PRKCA: variants seen among roughly 807,000 people sequenced by gnomAD.
PRKCA encodes protein kinase C alpha, also known as protein kinase C alpha type.
A neutral mutation model predicts 87.0 loss-of-function variants in PRKCA; 27 were observed. The observed-to-expected ratio is 0.31, with a 90% CI of 0.23 to 0.43. The LOEUF is 0.43. Among genes scored for constraint, PRKCA ranks in the 20% least tolerant of loss-of-function variants. The probability of loss-of-function intolerance (pLI) is 1.00; values close to 1 mark genes in which losing one functional copy is unlikely to be tolerated. For synonymous variants in PRKCA, 329 were observed against 311.1 expected, an observed-to-expected ratio of 1.06 and a Z score of -0.61; for missense variants, 518 against 852.3, an observed-to-expected ratio of 0.61 and a Z score of 4.88.
chr17:66,792,216 A>C lies in PRKCA; in HGVS notation c.1854+3237A>C, dbSNP rs148372702. On this transcript the variant is annotated intron_variant, in intron 16 of 16. Coordinates refer to ENST00000413366, the MANE Select transcript of PRKCA (RefSeq NM_002737.3). The surrounding 1 kb of genome is among the most constrained non-coding windows in gnomAD (Gnocchi z 4.5). ...GGCTTAAGGACAGGTAGCTGTTCTCACGTGCGGTGATGCTCCTGGCTCCCA... is the reference window on the plus strand; with the variant it reads ...GGCTTAAGGACAGGTAGCTGTTCTCCCGTGCGGTGATGCTCCTGGCTCCCA... Among the ~76,000 whole-genome samples the C allele has an allele frequency of 0.012, 1,771 of 152,262 alleles. 19 individuals are homozygous for C. Among genetic ancestry groups the C allele is most frequent in the Middle Eastern group, 0.034 (10 of 294 alleles).
At chr17:66,541,600 G>A (rs1177758224) in intron 3 of PRKCA, among the ~76,000 whole-genome samples, 2 of 151,532 alleles carry the variant, frequency 1.3e-5, no homozygotes, top group Non-Finnish European at 2.9e-5. Flanking sequence ...GGAATTGCAC[G>A]TGCAAAGCAG....
At chr17:66,688,482 T>C (rs1188147499) in intron 7 of PRKCA, 46 bp downstream of exon 7, 1 of 1,608,414 alleles carries the variant, frequency 6.2e-7, no homozygotes, top group African/African-American at 1.3e-5. Context: ...CATCAGACCA[T>C]TTAGACAGTT....
intron 3 of PRKCA, among the ~76,000 whole-genome samples, chr17:66,525,086 T>A (rs1967300071): frequency 6.6e-6 from 1 of 152,068 alleles, no homozygotes; most frequent in African/African-American, 2.4e-5. Flanking sequence ...ATCATGGGAG[T>A]TCTGAGCTGA....
chr17:66,612,049 T>C (rs1482735369), intron 3 of PRKCA, among the ~76,000 whole-genome samples: 5 of 149,654 alleles, frequency 3.3e-5, no homozygotes, highest in Non-Finnish European at 4.4e-5. Context: ...ACACTTGTTT[T>C]ATTTTACACA....
chr17:66,773,802 G>A (rs1033297362), intron 13 of PRKCA, among the ~76,000 whole-genome samples, 185 bp from the exon 14 acceptor site: 6 of 152,062 alleles, frequency 3.9e-5, no homozygotes, highest in South Asian at 2.1e-4. Flanking sequence ...AGTGAATCAC[G>A]GGGTGATAGT....
At chr17:66,447,344 G>A (rs1488410848) in intron 2 of PRKCA, among the ~76,000 whole-genome samples, 1 of 152,090 alleles carries the variant, frequency 6.6e-6, no homozygotes, top group African/African-American at 2.4e-5. Flanking sequence ...TTGGCTGGTC[G>A]GGGATGCCAG....
intron 2 of PRKCA, chr17:66,398,306 C>CA (rs1416544932): frequency 6.6e-6 from 1 of 152,208 alleles, no homozygotes; most frequent in Non-Finnish European, 1.5e-5. Flanking sequence ...CACATGCAGA[C>CA]ACGATTTATA....
chr17:66,489,366 T>TGC (rs1916123830), intron 2 of PRKCA, among the ~76,000 whole-genome samples: 1 of 81,370 alleles, frequency 1.2e-5, no homozygotes, highest in African/African-American at 4.3e-5. Flanking sequence ...TATATATATA[T>TGC]ATATATATAT....
At chr17:66,660,029 G>A (rs532938624) in intron 5 of PRKCA, among the ~76,000 whole-genome samples, 2 of 152,296 alleles carry the variant, frequency 1.3e-5, no homozygotes, top group Non-Finnish European at 2.9e-5. Context: ...AGCTGGGGAG[G>A]CGGTGTGCCA....
chr17:66,643,291 A>G (rs975581909), intron 4 of PRKCA, among the ~76,000 whole-genome samples: 29 of 152,162 alleles, frequency 1.9e-4, no homozygotes, highest in African/African-American at 7.0e-4. Flanking sequence ...ATGCCGTTAG[A>G]CACGGTTCCT....
chr17:66,550,345 A>G (rs577183994), intron 3 of PRKCA, among the ~76,000 whole-genome samples: 1 of 152,132 alleles, frequency 6.6e-6, no homozygotes, highest in Non-Finnish European at 1.5e-5. Context: ...TGAAAGTTCC[A>G]CGGCAGGTTA....
At chr17:66,587,895 G>A (rs75244060) in intron 3 of PRKCA, among the ~76,000 whole-genome samples, 20,049 of 83,626 alleles carry the variant, frequency 0.24, 3,843 homozygotes, top group East Asian at 0.33. Flanking sequence ...GTGTGTGTGT[G>A]TATATATATA....
chr17:66,699,615 T>C lies in PRKCA; in HGVS notation c.918+10568T>C, dbSNP rs191012640. 5.3e-5 allele frequency among the ~76,000 whole-genome samples: 8 copies of C among 152,356 alleles called. No homozygotes were observed. In the East Asian group the frequency reaches 1.5e-3, roughly 29 times the overall value. On this transcript the variant is annotated intron_variant, in intron 8 of 16. Transcript: ENST00000413366. Reference sequence around the variant, plus strand: ...ACCAAACACTTTTTAAGAGACAAGGTCTCGCTCTGTTGCCCAGGCTAGAGT... The same window carrying C: ...ACCAAACACTTTTTAAGAGACAAGGCCTCGCTCTGTTGCCCAGGCTAGAGT...
chr17:66,314,918 T>C (rs1471507328), intron 2 of PRKCA, among the ~76,000 whole-genome samples: 1 of 149,586 alleles, frequency 6.7e-6, no homozygotes, highest in East Asian at 1.9e-4. Context: ...TGTATGTGTA[T>C]ATGTGTGTAT....
intron 3 of PRKCA, 138 bp downstream of exon 3, chr17:66,496,421 A>C (rs1328607627): frequency 2.9e-6 from 2 of 692,580 alleles, no homozygotes; most frequent in Non-Finnish European, 4.9e-6. Context: ...GGCTTGTAGT[A>C]ATGAGCAGAT....
Position 66,442,968 on chromosome 17 carries a change from G to A in PRKCA, c.206-53233G>A, listed in dbSNP as rs374332096. On this transcript the variant is annotated intron_variant, in intron 2 of 16. Coordinates refer to ENST00000413366, the MANE Select transcript of PRKCA (RefSeq NM_002737.3). The stretch of plus-strand genomic sequence containing the variant: ...ACGCTGCCATTGTTGACCTGAACAC[G>A]AGGTGACTCTGGCAGGAGCCCTGGC... Among the ~76,000 whole-genome samples, 6 of 152,298 alleles carry A rather than the reference G, an allele frequency of 3.9e-5. No individual in the cohort carries two copies. In the East Asian group the frequency reaches 5.8e-4, roughly 15 times the overall value.
At chr17:66,306,560 T>C (rs1045600086) in intron 2 of PRKCA, among the ~76,000 whole-genome samples, 1 of 152,194 alleles carries the variant, frequency 6.6e-6, no homozygotes, top group African/African-American at 2.4e-5. Flanking sequence ...AGGGTTTGTT[T>C]TGTTTAGAAT....
intron 2 of PRKCA, among the ~76,000 whole-genome samples, chr17:66,307,704 A>G (rs1011226827): frequency 2.0e-5 from 3 of 152,186 alleles, no homozygotes; most frequent in Non-Finnish European, 4.4e-5. Flanking sequence ...GGGGTTTTGC[A>G]TGATTTCCCC....
chr17:66,513,056 A>C (rs765826694), intron 3 of PRKCA, among the ~76,000 whole-genome samples: 1 of 152,162 alleles, frequency 6.6e-6, no homozygotes, highest in Non-Finnish European at 1.5e-5. Context: ...AAACCATACA[A>C]TTTATTTGTT....
Sources: gnomAD v4.1 joint callset for allele counts (sites outside exome capture counted in the v4.1 genomes callset) on GRCh38, gnomAD v4.1.1 for gene constraint, Gnocchi (gnomAD v3.1) non-coding constraint, MANE v1.5 for transcripts, NCBI Gene and HGNC (gene_info 2026-07-23, HGNC 2026-07-21) for gene names.